DOCK1: variants seen among roughly 807,000 people sequenced by gnomAD.
DOCK1 encodes dedicator of cytokinesis protein 1.
DOCK1 carries 138 observed loss-of-function variants against 262.7 expected under a neutral mutation model. The observed-to-expected ratio is 0.53, with a 90% CI of 0.46 to 0.61. The LOEUF (loss-of-function observed/expected upper bound fraction) is 0.61, where lower values mean the gene tolerates loss of function less well. DOCK1 is among the 20% of genes least tolerant of loss of function. The probability of loss-of-function intolerance (pLI) is 0.00; values close to 1 mark genes in which losing one functional copy is unlikely to be tolerated. For synonymous variants in DOCK1, 866 were observed against 867.4 expected, an observed-to-expected ratio of 1.00 and a Z score of 0.03; for missense variants, 1,908 against 2,370.7, an observed-to-expected ratio of 0.80 and a Z score of 4.05.
At position 127,369,312 on chromosome 10, in the gene DOCK1, T is replaced by A. The variant is rs989110829; in HGVS notation, c.3433-4469T>A. Among the ~76,000 whole-genome samples, 7 of 152,196 alleles carry A rather than the reference T, an allele frequency of 4.6e-5. No individual in the cohort carries two copies. In the South Asian group the frequency reaches 1.0e-3, roughly 22 times the overall value. On this transcript the variant is annotated intron_variant, in intron 33 of 51. Transcript: ENST00000623213. ...GGTTTGTTTATTTTTGCTTTCAATG[T>A]CAAAATAATTCTTGCCTAAAGAGGA...
rs2070999305 is a variant in DOCK1 at position 127,451,979 on chromosome 10, T to C, written c.*552T>C. The C allele has an allele frequency of 6.5e-6, 1 of 153,030 alleles. No individual in the cohort carries two copies. Among genetic ancestry groups the C allele is most frequent in the Non-Finnish European group, 1.5e-5 (1 of 68,422 alleles). 9.5% of individuals were successfully genotyped at this position (153,030 alleles called of 1,614,324 possible). The stretch of plus-strand genomic sequence containing the variant: ...CTCCAGGGAAGCTCCTGATTTCCCC[T>C]GCATAATTGAAAATAGGATATTTCT... On this transcript the variant is annotated 3_prime_UTR_variant, in exon 52 of 52. Transcript: ENST00000623213.
intron 1 of DOCK1, among the ~76,000 whole-genome samples, chr10:126,953,677 TC>T (rs1424394722): frequency 1.3e-5 from 2 of 152,060 alleles, no homozygotes; most frequent in African/African-American, 4.8e-5. Flanking sequence ...GGGTAGAACG[TC>T]CCTCATTTGT....
chr10:127,302,802 A>G (rs1005950195), intron 29 of DOCK1, among the ~76,000 whole-genome samples: 10 of 149,688 alleles, frequency 6.7e-5, no homozygotes, highest in African/African-American at 2.0e-4. Flanking sequence ...TCAAAAACCA[A>G]TGGAAGAGAA....
At chr10:127,186,582 A>G (rs1297666197) in intron 27 of DOCK1, among the ~76,000 whole-genome samples, 4 of 142,708 alleles carry the variant, frequency 2.8e-5, no homozygotes, top group Admixed American at 7.4e-5. Flanking sequence ...GGAGATTACA[A>G]TTGGAGGTGA....
At chr10:127,072,631 G>A (rs575703995) in intron 23 of DOCK1, among the ~76,000 whole-genome samples, 28 of 152,128 alleles carry the variant, frequency 1.8e-4, no homozygotes, top group African/African-American at 6.8e-4. Context: ...CCAGACTCTC[G>A]TATGGTTTGG....
intron 27 of DOCK1, among the ~76,000 whole-genome samples, chr10:127,244,352 G>A (rs897327800): frequency 6.6e-6 from 1 of 152,084 alleles, no homozygotes; most frequent in Non-Finnish European, 1.5e-5. Context: ...CAATGCTATG[G>A]ACATCTTTGG....
At chr10:127,402,767 G>A (rs1050366996) in intron 38 of DOCK1, 23 of 573,562 alleles carry the variant, frequency 4.0e-5, no homozygotes, top group Non-Finnish European at 7.1e-5. Flanking sequence ...CAGCAGGAGA[G>A]CAAAGACAGG....
chr10:127,285,486 A>C (rs2061116418), intron 29 of DOCK1, among the ~76,000 whole-genome samples: 1 of 152,226 alleles, frequency 6.6e-6, no homozygotes, highest in Non-Finnish European at 1.5e-5. Context: ...GCCTGTGCCC[A>C]TATCTTCTCT....
chr10:126,928,267 T>C (rs36156768), intron 1 of DOCK1, among the ~76,000 whole-genome samples: 78,773 of 152,100 alleles, frequency 0.52, 21,801 homozygotes, highest in African/African-American at 0.7. Context: ...GGGCTCTTGC[T>C]GTGGGCCAGG....
intron 35 of DOCK1, among the ~76,000 whole-genome samples, chr10:127,375,189 C>T (rs182000598): frequency 5.3e-5 from 8 of 152,340 alleles, no homozygotes; most frequent in African/African-American, 1.9e-4. Flanking sequence ...AGCTCAGATC[C>T]CGGCCAGCCT....
chr10:127,235,031 CAT>C (rs2058996833), intron 27 of DOCK1, among the ~76,000 whole-genome samples: 1 of 147,688 alleles, frequency 6.8e-6, no homozygotes, highest in Non-Finnish European at 1.5e-5. Context: ...CTGTATAAAG[CAT>C]ATATACTTAT....
chr10:126,975,048 C>T (rs952716970), intron 2 of DOCK1, among the ~76,000 whole-genome samples: 7 of 152,036 alleles, frequency 4.6e-5, no homozygotes, highest in Non-Finnish European at 7.4e-5. Context: ...GAAGTGGCCT[C>T]TCGTTTGCCT....
At chr10:127,442,761 G>C (rs11018091) in intron 49 of DOCK1, among the ~76,000 whole-genome samples, 48,821 of 152,188 alleles carry the variant, frequency 0.32, 8,236 homozygotes, top group East Asian at 0.44. Context: ...GCTGAGCACA[G>C]CTGGGAATAA....
chr10:127,291,796 G>A (rs2061353472), intron 29 of DOCK1, among the ~76,000 whole-genome samples: 1 of 152,204 alleles, frequency 6.6e-6, no homozygotes, highest in Non-Finnish European at 1.5e-5. Flanking sequence ...TAGAGGGACA[G>A]ACAGCATTTC....
intron 10 of DOCK1, among the ~76,000 whole-genome samples, chr10:127,005,908 A>G (rs2040981655): frequency 1.3e-5 from 2 of 152,160 alleles, no homozygotes; most frequent in East Asian, 1.9e-4. Context: ...TTTGCATTGC[A>G]CATACTTTTA....
intron 43 of DOCK1, among the ~76,000 whole-genome samples, chr10:127,413,974 T>C (rs1298618342): frequency 6.6e-6 from 1 of 152,112 alleles, no homozygotes; most frequent in Admixed American, 6.6e-5. Flanking sequence ...TGCAGTGGTG[T>C]AATGTCAGCT....
At chr10:127,122,770 TCCTCCA>T (rs2049689816) in intron 25 of DOCK1, among the ~76,000 whole-genome samples, 2 of 152,082 alleles carry the variant, frequency 1.3e-5, no homozygotes, top group Admixed American at 1.3e-4. Flanking sequence ...GGTAGCGCAG[TCCTCCA>T]GGTGGGGTGG....
chr10:127,237,792 C>T (rs1304037497), intron 27 of DOCK1, among the ~76,000 whole-genome samples: 2 of 152,122 alleles, frequency 1.3e-5, no homozygotes, highest in African/African-American at 4.8e-5. Context: ...TGTAATAACT[C>T]CCTTTTATAA....
At chr10:127,284,435 A>G (rs190413343) in intron 29 of DOCK1, among the ~76,000 whole-genome samples, 24 of 152,280 alleles carry the variant, frequency 1.6e-4, no homozygotes, top group African/African-American at 5.8e-4. Flanking sequence ...CTAGAATTTA[A>G]TGCTTTGTAT....
Sources: gnomAD v4.1 joint callset for allele counts (sites outside exome capture counted in the v4.1 genomes callset) on GRCh38, gnomAD v4.1.1 for gene constraint, MANE v1.5 for transcripts, NCBI Gene and HGNC (gene_info 2026-07-23, HGNC 2026-07-21) for gene names.